A2ML1: variants seen among roughly 807,000 people sequenced by gnomAD.
A2ML1 encodes the protein alpha-2-macroglobulin like 1, also known as alpha-2-macroglobulin-like protein 1.
In A2ML1, 161 loss-of-function variants were observed where a neutral mutation model predicts 181.9. That is an observed-to-expected ratio of 0.89 (90% CI 0.78 to 1.01). The LOEUF (loss-of-function observed/expected upper bound fraction) is 1.01. Ranked by LOEUF, A2ML1 falls within the 50% of genes least tolerant of loss-of-function variation. The pLI, the probability that A2ML1 is intolerant of heterozygous loss-of-function variation, is 0.00. For missense variants in A2ML1, 1,670 were observed against 1,768.1 expected (o/e 0.94, Z 1.00); for synonymous variants, 663 against 666.8 (o/e 0.99, Z 0.09).
At chr12:8,838,864 G>T (rs935303630) in intron 9 of A2ML1, among the ~76,000 whole-genome samples, 5 of 148,616 alleles carry the variant, frequency 3.4e-5, no homozygotes, top group African/African-American at 1.2e-4. Flanking sequence ...GCAGTGAGCC[G>T]AGATCGTGCC....
chr12:8,873,302 C>T (rs1459373710), intron 33 of A2ML1, among the ~76,000 whole-genome samples: 3 of 151,596 alleles, frequency 2.0e-5, no homozygotes, highest in East Asian at 1.9e-4. Context: ...TTCAGTGGCC[C>T]GATCTTGGCT....
At position 8,864,266 on chromosome 12, in the gene A2ML1, A is replaced by AGTG. The variant is rs1944370344; in HGVS notation, c.3717+258_3717+259insGTG. Among the ~76,000 whole-genome samples the AGTG allele has an allele frequency of 3.6e-5, 4 of 110,552 alleles. No individual in the cohort carries two copies. In the East Asian group the frequency reaches 1.1e-3, roughly 29 times the overall value. 72.5% of individuals were successfully genotyped at this position (110,552 alleles called of 152,430 possible). On this transcript the variant is annotated intron_variant, in intron 29 of 35. Transcript: ENST00000299698. ...GGTGGCTCATGCCTGTCATCGCAGC[A>AGTG]CTTTGAGAGGCCGAGGCAGGCGGAT... is the stretch of plus-strand genomic sequence containing the variant.
downstream of A2ML1, among the ~76,000 whole-genome samples, chr12:8,881,389 T>C (rs1338273886): frequency 6.6e-6 from 1 of 152,186 alleles, no homozygotes; most frequent in South Asian, 2.1e-4. Flanking sequence ...AAGGTAAATA[T>C]ATCGGAGGCA....
intron 7 of A2ML1, among the ~76,000 whole-genome samples, chr12:8,885,715 C>G (rs963163121): frequency 6.6e-6 from 1 of 152,166 alleles, no homozygotes; most frequent in African/African-American, 2.4e-5. Flanking sequence ...CTGCCTGCCT[C>G]GGCCTCCCAA....
At chr12:8,834,312 G>A (rs749210221) in intron 4 of A2ML1, among the ~76,000 whole-genome samples, 1 of 152,260 alleles carries the variant, frequency 6.6e-6, no homozygotes, top group South Asian at 2.1e-4. Context: ...AAACATTGAG[G>A]AACCCCCTGG....
At chr12:8,845,176 T>C in intron 12 of A2ML1, 1 of 1,527,994 alleles carries the variant, frequency 6.5e-7, no homozygotes, top group Non-Finnish European at 8.7e-7. Context: ...TTATCTATGG[T>C]GAGGAACAAT....
chr12:8,879,413 C>T (rs376690428), downstream of A2ML1, among the ~76,000 whole-genome samples: 2 of 151,948 alleles, frequency 1.3e-5, no homozygotes, highest in East Asian at 1.9e-4. Flanking sequence ...ATTGCTTGAA[C>T]CCGGGAGGCG....
chr12:8,866,319 A>G (rs1944427484), intron 29 of A2ML1, among the ~76,000 whole-genome samples: 1 of 150,638 alleles, frequency 6.6e-6, no homozygotes, highest in African/African-American at 2.4e-5. Flanking sequence ...AAAAAAAAAA[A>G]AAAAAAAAAA....
downstream of A2ML1, among the ~76,000 whole-genome samples, chr12:8,879,646 G>A (rs1944851411): frequency 6.6e-6 from 1 of 152,164 alleles, no homozygotes; most frequent in African/African-American, 2.4e-5. Context: ...AGGTTATGCG[G>A]GCAGAATACA....
At chr12:8,829,808 GCAGGGAGAA>G (rs751820332) in intron 4 of A2ML1, 29 bp downstream of exon 4, 1 of 1,613,454 alleles carries the variant, frequency 6.2e-7, no homozygotes, top group South Asian at 1.1e-5. Context: ...AAGGAGTGGC[GCAGGGAGAA>G]CAGGGAAAAG....
chr12:8,824,226 T>G (rs979250811), intron 3 of A2ML1, among the ~76,000 whole-genome samples: 91 of 105,474 alleles, frequency 8.6e-4, no homozygotes, highest in African/African-American at 2.9e-3. Flanking sequence ...ACTGGGGTTT[T>G]TTTTTTTTTT....
At chr12:8,840,689 C>A (rs1943437309) in intron 10 of A2ML1, among the ~76,000 whole-genome samples, 2 of 151,916 alleles carry the variant, frequency 1.3e-5, no homozygotes, top group South Asian at 4.1e-4. Flanking sequence ...GCGGGCGAAT[C>A]ACGAGGTCAG....
chr12:8,860,899 G>C lies in A2ML1; in HGVS notation c.3283G>C (p.Val1095Leu). 6.2e-7 allele frequency: 1 copy of C among 1,614,116 alleles called. No individual in the cohort carries two copies. The highest frequency in any genetic ancestry group is 1.7e-5 in the Admixed American group (1 of 60,016). The stretch of plus-strand genomic sequence containing the variant: ...CCTCTAGGGTGGTGTTGATGATGAG[G>C]TCTCCTTGACTGCGTATGTCACAGC... ...TAMKGGVDDE[V>L]SLTAYVTAAL... Residue 1095 changes from valine to leucine, a missense_variant, in exon 27 of 36, where the codon GTC becomes CTC. By Grantham distance (32) the Val-to-Leu change is conservative (BLOSUM62 1). Coordinates refer to ENST00000299698, the MANE Select transcript of A2ML1 (RefSeq NM_144670.6).
At chr12:8,851,723 C>A in intron 18 of A2ML1, 61 bp from the exon 19 acceptor site, 5 of 1,539,568 alleles carry the variant, frequency 3.2e-6, no homozygotes, top group Non-Finnish European at 4.4e-6. Context: ...TGGCTTAATT[C>A]ACAAATGTTC....
At chr12:8,879,699 A>G (rs1398446852), downstream of A2ML1, among the ~76,000 whole-genome samples, 1 of 152,220 alleles carries the variant, frequency 6.6e-6, no homozygotes, top group South Asian at 2.1e-4. Flanking sequence ...TATCTTTGGG[A>G]TTTCAGATAG....
At chr12:8,847,458 C>G in intron 14 of A2ML1, 91 bp from the exon 15 acceptor site, 1 of 1,400,846 alleles carries the variant, frequency 7.1e-7, no homozygotes, top group Non-Finnish European at 9.7e-7. Context: ...GATGTCATAG[C>G]TGGGGCATAT....
intron 23 of A2ML1, among the ~76,000 whole-genome samples, chr12:8,855,942 C>G (rs1297173896): frequency 1.3e-5 from 2 of 152,156 alleles, no homozygotes; most frequent in Admixed American, 6.5e-5. Context: ...AGGGAAGATA[C>G]AACCATATTT....
At chr12:8,845,233 AGAC>A (rs1473569483) in intron 12 of A2ML1, 3 of 1,531,580 alleles carry the variant, frequency 2.0e-6, no homozygotes, top group Non-Finnish European at 2.6e-6. Context: ...GTTCTCAGCC[AGAC>A]CTCCAACTGC....
At chr12:8,856,756 ATGACAT>A (rs1392940119) in intron 23 of A2ML1, among the ~76,000 whole-genome samples, 1 of 152,224 alleles carries the variant, frequency 6.6e-6, no homozygotes, top group Admixed American at 6.5e-5. Flanking sequence ...CATATCCAGT[ATGACAT>A]TGTAGTACTG....
Sources: allele counts gnomAD v4.1 joint callset (sites outside exome capture counted in the v4.1 genomes callset), GRCh38; gene constraint gnomAD v4.1.1; transcripts MANE v1.5; gene names NCBI Gene and HGNC (gene_info 2026-07-23, HGNC 2026-07-21).